The following MCEMP1 variants were observed in gnomAD, a reference collection of about 807,000 sequenced individuals.
MCEMP1 encodes mast cell-expressed membrane protein 1.
In MCEMP1, 17 loss-of-function variants were observed where a neutral mutation model predicts 27.9. That is an observed-to-expected ratio of 0.61 (90% CI 0.42 to 0.91). The LOEUF (loss-of-function observed/expected upper bound fraction) is 0.91, where lower values mean the gene tolerates loss of function less well. Ranked by LOEUF, MCEMP1 falls within the 40% of genes least tolerant of loss-of-function variation. The pLI is 0.00. For missense variants in MCEMP1, 200 were observed against 204.8 expected, an observed-to-expected ratio of 0.98 and a Z score of 0.14; for synonymous variants, 88 against 76.9, an observed-to-expected ratio of 1.14 and a Z score of -0.76.
In MCEMP1 at chr19:7,679,407, G is replaced by A. The variant is rs1339590203; in HGVS notation, c.*293G>A. On this transcript the variant is annotated 3_prime_UTR_variant, in exon 7 of 7. Coordinates refer to ENST00000333598, the MANE Select transcript of MCEMP1 (RefSeq NM_174918.3). The surrounding 1 kb of genome is among the most constrained non-coding windows in gnomAD (Gnocchi z 4.9). The stretch of plus-strand genomic sequence containing the variant: ...ATTTCAGTGTATCTCCCAGAAAGGT[G>A]ATGAATGAATAGGACTGAGAGTCAC... The A allele has an allele frequency of 6.6e-6, 3 of 454,140 alleles. No homozygotes were observed. The highest frequency in any genetic ancestry group is 2.0e-5 in the African/African-American group (1 of 49,632). The allele number at this position is 454,140 out of a possible 1,614,324, so 28.1% of individuals were successfully genotyped here.
In MCEMP1 at chr19:7,677,927, T is replaced by A; in HGVS notation, c.146-177T>A. 3 of 1,106,430 alleles carry A rather than the reference T, an allele frequency of 2.7e-6. No individual in the cohort carries two copies. The highest frequency in any genetic ancestry group is 3.9e-6 in the Non-Finnish European group (3 of 767,492). The allele number at this position is 1,106,430 out of a possible 1,614,324, so 68.5% of individuals were successfully genotyped here. On this transcript the variant is annotated intron_variant, in intron 2 of 6. Coordinates refer to ENST00000333598, the MANE Select transcript of MCEMP1 (RefSeq NM_174918.3). This position sits in a 1 kb window ranked among gnomAD's most constrained non-coding sequence, Gnocchi z 4.6. ...GAGGGGGTCTGTGATGGTGACGGTG[T>A]TAGATCGCTGAGGGTGGCTGGTGGT...
Position 7,678,515 on chromosome 19 carries a change from A to C in MCEMP1, c.359A>C (p.Glu120Ala). The change falls in exon 5 of 7, where the codon GAA (glutamate) becomes GCA (alanine). Residue 120 changes from glutamate to alanine, a missense_variant. Physicochemically the swap from Glu to Ala is moderately radical, Grantham distance 107. Coordinates refer to ENST00000333598, the MANE Select transcript of MCEMP1 (RefSeq NM_174918.3). This position sits in a 1 kb window ranked among gnomAD's most constrained non-coding sequence, Gnocchi z 4.8. The stretch of plus-strand genomic sequence containing the variant: ...GTCTCAAACTCCGTACAAGCATGCG[A>C]AGAGAGACAGAAGAGAGGCTGGGAT... ...WNVSNSVQAC[E>A]ERQKRGWDSV... 6.2e-7 allele frequency: 1 copy of C among 1,614,126 alleles called. No homozygotes were observed. The highest frequency in any genetic ancestry group is 8.5e-7 in the Non-Finnish European group (1 of 1,180,006).
Position 7,678,550 on chromosome 19 carries a change from CA to C in MCEMP1, c.395del (p.Gln132ArgfsTer13). ...GAAGAGAGGCTGGGATTCCGTTCAG[CA>C]GAGCATCACCATGGTCAGGAGCAAG... ...RQKRGWDSVQ[Q>X]SITMVRSKID... On this transcript the variant is annotated frameshift_variant, in exon 5 of 7. Transcript: ENST00000333598. LOFTEE classifies it high-confidence loss of function. This position sits in a 1 kb window ranked among gnomAD's most constrained non-coding sequence, Gnocchi z 4.8. The C allele has an allele frequency of 6.2e-7, 1 of 1,614,120 alleles. No individual in the cohort carries two copies. Among genetic ancestry groups the C allele is most frequent in the Non-Finnish European group, 8.5e-7 (1 of 1,180,022 alleles).
At position 7,678,151 on chromosome 19, in the gene MCEMP1, T is replaced by C. The variant is rs1300350534; in HGVS notation, c.193T>C (p.Trp65Arg). 2 of 1,613,868 alleles carry C rather than the reference T, an allele frequency of 1.2e-6. No homozygotes were observed. Among genetic ancestry groups the C allele is most frequent in the Admixed American group, 3.3e-5 (2 of 59,982 alleles). The part of the protein sequence containing the change: ...PPSDSTQVPC[W>R]LYRAILSLYI... ...CTCAGACTCCACCCAGGTCCCCTGC[T>C]GGTTGTACAGAGCCATCCTGAGCCT... Residue 65 changes from tryptophan to arginine, a missense_variant, in exon 3 of 7, where the codon TGG becomes CGG. Trp to Arg is a moderately radical substitution (Grantham distance 101). Coordinates refer to ENST00000333598, the MANE Select transcript of MCEMP1 (RefSeq NM_174918.3). This position sits in a 1 kb window ranked among gnomAD's most constrained non-coding sequence, Gnocchi z 4.8.
chr19:7,678,897 T>TGCCCCCC lies in MCEMP1; in HGVS notation c.449-27_449-26insGCCCCCC. ...CTCCACCGCAGCTTGACTTATCTGTTCCCACCCAACCCTCCCCGCCCCCTA... is the reference window on the plus strand; with the variant it reads ...CTCCACCGCAGCTTGACTTATCTGTTGCCCCCCCCCACCCAACCCTCCCCGCCCCCTA... On this transcript the variant is annotated intron_variant, in intron 5 of 6. Transcript: ENST00000333598. The surrounding 1 kb of genome is among the most constrained non-coding windows in gnomAD (Gnocchi z 4.8). The TGCCCCCC allele has an allele frequency of 4.0e-6, 4 of 993,956 alleles. No individual in the cohort carries two copies. Among genetic ancestry groups the TGCCCCCC allele is most frequent in the Middle Eastern group, 3.0e-4 (1 of 3,362 alleles). 61.6% of individuals were successfully genotyped at this position (993,956 alleles called of 1,614,324 possible). A position where few individuals can be genotyped will look rare whatever the true frequency, so the allele number is the denominator to read the frequency against.
In MCEMP1 at chr19:7,679,364, A is replaced by G. The variant is rs535473501; in HGVS notation, c.*250A>G. On this transcript the variant is annotated 3_prime_UTR_variant, in exon 7 of 7. Coordinates refer to ENST00000333598, the MANE Select transcript of MCEMP1 (RefSeq NM_174918.3). This position sits in a 1 kb window ranked among gnomAD's most constrained non-coding sequence, Gnocchi z 4.9. ...CGTGTGTGCGTGCGCGTGTGTGTGC[A>G]TTTTGCAAAGGGTGGACATTTCAGT... 19 of 512,212 alleles carry G rather than the reference A, an allele frequency of 3.7e-5. No homozygotes were observed. In the East Asian group the frequency reaches 5.2e-4, roughly 14 times the overall value. The allele number at this position is 512,212 out of a possible 1,614,324, so 31.7% of individuals were successfully genotyped here. A position where few individuals can be genotyped will look rare whatever the true frequency, so the allele number is the denominator to read the frequency against.
chr19:7,679,445 A>C lies in MCEMP1; in HGVS notation c.*331A>C. 2.8e-6 allele frequency: 1 copy of C among 352,012 alleles called. No individual in the cohort carries two copies. Among genetic ancestry groups the C allele is most frequent in the Non-Finnish European group, 5.2e-6 (1 of 193,792 alleles). 21.8% of individuals were successfully genotyped at this position (352,012 alleles called of 1,614,324 possible). A position where few individuals can be genotyped will look rare whatever the true frequency, so the allele number is the denominator to read the frequency against. ...GACTGAGAGTCACAGTGAATGTGGC[A>C]TGCATGCCTGTGTCATGTGACATAT... On this transcript the variant is annotated 3_prime_UTR_variant, in exon 7 of 7. Coordinates refer to ENST00000333598, the MANE Select transcript of MCEMP1 (RefSeq NM_174918.3). The surrounding 1 kb of genome is among the most constrained non-coding windows in gnomAD (Gnocchi z 4.9).
In MCEMP1 at chr19:7,677,971, G is replaced by C. The variant is rs1439840931; in HGVS notation, c.146-133G>C. The C allele has an allele frequency of 2.9e-6, 4 of 1,372,912 alleles. No homozygotes were observed. The highest frequency in any genetic ancestry group is 1.4e-5 in the South Asian group (1 of 71,788). The allele number at this position is 1,372,912 out of a possible 1,614,324, so 85.0% of individuals were successfully genotyped here. A position where few individuals can be genotyped will look rare whatever the true frequency, so the allele number is the denominator to read the frequency against. ...TGGTGGTGGCAGTGTTGTTGACGAT[G>C]ATGACAAGCTGCATGACCACAGCTG... On this transcript the variant is annotated intron_variant, in intron 2 of 6. Transcript: ENST00000333598. This position sits in a 1 kb window ranked among gnomAD's most constrained non-coding sequence, Gnocchi z 4.6.
In MCEMP1 at chr19:7,678,858, G is replaced by A; in HGVS notation, c.449-66G>A. Reference sequence around the variant, plus strand: ...GGGGGGTGCTTCCAAGGAAGGTGGGGGCTTTGTTTGAGGCTCCACCGCAGC... The same window carrying A: ...GGGGGGTGCTTCCAAGGAAGGTGGGAGCTTTGTTTGAGGCTCCACCGCAGC... On this transcript the variant is annotated intron_variant, in intron 5 of 6. Transcript: ENST00000333598. The surrounding 1 kb of genome is among the most constrained non-coding windows in gnomAD (Gnocchi z 4.8). 3 of 1,446,916 alleles carry A rather than the reference G, an allele frequency of 2.1e-6. No individual in the cohort carries two copies. The highest frequency in any genetic ancestry group is 2.8e-6 in the Non-Finnish European group (3 of 1,061,130). The allele number at this position is 1,446,916 out of a possible 1,614,324, so 89.6% of individuals were successfully genotyped here. A position where few individuals can be genotyped will look rare whatever the true frequency, so the allele number is the denominator to read the frequency against.
Position 7,679,319 on chromosome 19 carries a change from C to A in MCEMP1, c.*205C>A, listed in dbSNP as rs535002604. ...CTGCGTGCGTGTGTGTGCGTGTGTG[C>A]GCGTGTGTTCGTGTATGTGCGTGTG... On this transcript the variant is annotated 3_prime_UTR_variant, in exon 7 of 7. Transcript: ENST00000333598. This position sits in a 1 kb window ranked among gnomAD's most constrained non-coding sequence, Gnocchi z 4.9. The A allele has an allele frequency of 2.2e-4, 137 of 629,192 alleles. No homozygotes were observed. The highest frequency in any genetic ancestry group is 2.9e-4 in the Non-Finnish European group (105 of 366,236). 39.0% of individuals were successfully genotyped at this position (629,192 alleles called of 1,614,324 possible).
rs374765264 is a variant in MCEMP1, at chr19:7,678,586, T to G, written c.430T>G (p.Leu144Val). Reference sequence around the variant, plus strand: ...CATGGTCAGGAGCAAGATTGATAGATTAGAGACGACATTAGCAGGTGCCTG... The same window carrying G: ...CATGGTCAGGAGCAAGATTGATAGAGTAGAGACGACATTAGCAGGTGCCTG... ...ITMVRSKIDRLETTLAGIKNI... is the reference protein window; with the variant it reads ...ITMVRSKIDRVETTLAGIKNI... Residue 144 changes from leucine to valine, a missense_variant, in exon 5 of 7, where the codon TTA (leucine) becomes GTA (valine). By Grantham distance (32) the Leu-to-Val change is conservative. Transcript: ENST00000333598. The surrounding 1 kb of genome is among the most constrained non-coding windows in gnomAD (Gnocchi z 4.8). 83 of 1,613,700 alleles carry G rather than the reference T, an allele frequency of 5.1e-5. No homozygotes were observed. The highest frequency in any genetic ancestry group is 6.7e-5 in the Non-Finnish European group (79 of 1,179,746).
chr19:7,679,084 C>T lies in MCEMP1; in HGVS notation c.509-14C>T, dbSNP rs897432807. The T allele has an allele frequency of 5.0e-6, 8 of 1,607,646 alleles. No homozygotes were observed. The South Asian group carries it at 6.7e-5, about 13-fold the overall frequency. On this transcript the variant is annotated splice_polypyrimidine_tract_variant and intron_variant, in intron 6 of 6. Transcript: ENST00000333598. The surrounding 1 kb of genome is among the most constrained non-coding windows in gnomAD (Gnocchi z 4.9). ...GCGGGATCTGCCTCACTGTGGGTCT[C>T]TCCCCATCCCCAGAGTCCTCACCTC... is the stretch of plus-strand genomic sequence containing the variant.
In MCEMP1 at chr19:7,678,265, T is replaced by A. The variant is rs780864358; in HGVS notation, c.283+24T>A. On this transcript the variant is annotated intron_variant, in intron 3 of 6. Coordinates refer to ENST00000333598, the MANE Select transcript of MCEMP1 (RefSeq NM_174918.3). This position sits in a 1 kb window ranked among gnomAD's most constrained non-coding sequence, Gnocchi z 4.8. ...GAGTGAGTACTTCTTGGGAGGAGGG[T>A]GCTGGGGGGCCTAGACTTTCTCCCT... The A allele has an allele frequency of 6.2e-7, 1 of 1,613,750 alleles. No individual in the cohort carries two copies. Among genetic ancestry groups the A allele is most frequent in the South Asian group, 1.1e-5 (1 of 91,056 alleles).
chr19:7,678,062 G>GTGCT lies in MCEMP1; in HGVS notation c.146-41_146-38dup. 6.4e-7 allele frequency: 1 copy of GTGCT among 1,552,558 alleles called. No homozygotes were observed. The highest frequency in any genetic ancestry group is 8.7e-7 in the Non-Finnish European group (1 of 1,152,468). On this transcript the variant is annotated intron_variant, in intron 2 of 6. Transcript: ENST00000333598. The surrounding 1 kb of genome is among the most constrained non-coding windows in gnomAD (Gnocchi z 4.8). ...GACAGTGAGGATGGTTTGAGTGGTG[G>GTGCT]TGCTGGCCCCTCAAGGTCACTTTGC...
rs368665923 is a variant in MCEMP1 at position 7,677,796 on chromosome 19, C to T, written c.145+70C>T. 1 of 1,399,224 alleles carries T rather than the reference C, an allele frequency of 7.1e-7. No homozygotes were observed. The highest frequency in any genetic ancestry group is 9.7e-7 in the Non-Finnish European group (1 of 1,028,814). 86.7% of individuals were successfully genotyped at this position (1,399,224 alleles called of 1,614,324 possible). A position where few individuals can be genotyped will look rare whatever the true frequency, so the allele number is the denominator to read the frequency against. On this transcript the variant is annotated intron_variant, in intron 2 of 6. Transcript: ENST00000333598. This position sits in a 1 kb window ranked among gnomAD's most constrained non-coding sequence, Gnocchi z 4.6. Reference sequence around the variant, plus strand: ...GGCAGGTGGGCGGGCAACTGCAGGGCCCCCGGGGCTGCGTGGAAGGGAGGA... The same window carrying T: ...GGCAGGTGGGCGGGCAACTGCAGGGTCCCCGGGGCTGCGTGGAAGGGAGGA...
Position 7,679,160 on chromosome 19 carries a change from GCTGC to G in MCEMP1, c.*47_*50del, listed in dbSNP as rs1262399788. The G allele has an allele frequency of 2.0e-6, 3 of 1,537,916 alleles. No homozygotes were observed. Among genetic ancestry groups the G allele is most frequent in the Non-Finnish European group, 2.6e-6 (3 of 1,136,918 alleles). ...CCAAAGCCACAACTTGGAAGATGGG[GCTGC>G]ACCTGCCAACGAAGACGGGAAATGA... On this transcript the variant is annotated 3_prime_UTR_variant, in exon 7 of 7. Coordinates refer to ENST00000333598, the MANE Select transcript of MCEMP1 (RefSeq NM_174918.3). This position sits in a 1 kb window ranked among gnomAD's most constrained non-coding sequence, Gnocchi z 4.9.
At position 7,679,109 on chromosome 19, in the gene MCEMP1, C is replaced by T. The variant is rs777366299; in HGVS notation, c.520C>T (p.Gln174Ter). ...VLQKMPQSSP[Q>*] ...CTCCCCATCCCCAGAGTCCTCACCT[C>T]AATAAATGAGAGGACATTGTGGCAG... Residue 174 changes from glutamine (Q) to a stop codon, truncating the protein, a stop_gained, in exon 7 of 7, where the codon CAA becomes TAA. Coordinates refer to ENST00000333598, the MANE Select transcript of MCEMP1 (RefSeq NM_174918.3). LOFTEE classifies it high-confidence loss of function. The surrounding 1 kb of genome is among the most constrained non-coding windows in gnomAD (Gnocchi z 4.9). 3 of 1,602,436 alleles carry T rather than the reference C, an allele frequency of 1.9e-6. No individual in the cohort carries two copies. Among genetic ancestry groups the T allele is most frequent in the Non-Finnish European group, 2.6e-6 (3 of 1,173,858 alleles).
In MCEMP1 at chr19:7,678,010, G is replaced by C; in HGVS notation, c.146-94G>C. On this transcript the variant is annotated intron_variant, in intron 2 of 6. Coordinates refer to ENST00000333598, the MANE Select transcript of MCEMP1 (RefSeq NM_174918.3). The surrounding 1 kb of genome is among the most constrained non-coding windows in gnomAD (Gnocchi z 4.8). ...TGACCACAGCTGCTGATGGTTTTGA[G>C]AGGAGCGAGGTGTCCATGGTGTTAG... The C allele has an allele frequency of 6.7e-7, 1 of 1,490,580 alleles. No homozygotes were observed. Among genetic ancestry groups the C allele is most frequent in the Non-Finnish European group, 9.0e-7 (1 of 1,115,456 alleles). The allele number at this position is 1,490,580 out of a possible 1,614,324, so 92.3% of individuals were successfully genotyped here.
chr19:7,679,502 T>G lies in MCEMP1; in HGVS notation c.*388T>G. 1 of 239,862 alleles carries G rather than the reference T, an allele frequency of 4.2e-6. No homozygotes were observed. Among genetic ancestry groups the G allele is most frequent in the Non-Finnish European group, 8.1e-6 (1 of 123,812 alleles). 14.9% of individuals were successfully genotyped at this position (239,862 alleles called of 1,614,324 possible). ...CTCGGCATGTCACGGTGGGTGGCTG[T>G]GTCTGAGCACCTCCAGCAGATGTCA... On this transcript the variant is annotated 3_prime_UTR_variant, in exon 7 of 7. Coordinates refer to ENST00000333598, the MANE Select transcript of MCEMP1 (RefSeq NM_174918.3). This position sits in a 1 kb window ranked among gnomAD's most constrained non-coding sequence, Gnocchi z 4.9.
Sources: gnomAD v4.1 joint callset for allele counts on GRCh38, gnomAD v4.1.1 for gene constraint, Gnocchi (gnomAD v3.1) non-coding constraint, MANE v1.5 for transcripts, NCBI Gene and HGNC (gene_info 2026-07-23, HGNC 2026-07-21) for gene names.